MINDY2: variants seen among roughly 807,000 people sequenced by gnomAD.
The protein encoded by MINDY2 is MINDY lysine 48 deubiquitinase 2, also known as ubiquitin carboxyl-terminal hydrolase MINDY-2.
In MINDY2, 52 loss-of-function variants were observed where a neutral mutation model predicts 68.2. The observed-to-expected ratio is 0.76, with a 90% CI of 0.61 to 0.96. The LOEUF is 0.96. Ranked by LOEUF, MINDY2 falls within the 40% of genes least tolerant of loss-of-function variation. The pLI is 0.00. For missense variants in MINDY2, 881 were observed against 773.4 expected, an observed-to-expected ratio of 1.14 and a Z score of -1.65; for synonymous variants, 372 against 303.0, an observed-to-expected ratio of 1.23 and a Z score of -2.36.
At chr15:58,804,805 C>CA (rs562018572) in intron 3 of MINDY2, among the ~76,000 whole-genome samples, 2,188 of 127,690 alleles carry the variant, frequency 0.017, 51 homozygotes, top group African/African-American at 0.057. Context: ...GACCCTGTTA[C>CA]AAAAAAAAAA....
At position 58,821,795 on chromosome 15, in the gene MINDY2, G is replaced by T; in HGVS notation, c.1201G>T (p.Asp401Tyr). 1 of 1,591,046 alleles carries T rather than the reference G, an allele frequency of 6.3e-7. No homozygotes were observed. The highest frequency in any genetic ancestry group is 1.2e-5 in the South Asian group (1 of 85,876). ...VEKIISCKQS[D>Y]NSELVSEGFV... is the part of the protein sequence containing the mutation. Reference sequence around the variant, plus strand: ...GAAGATCATCTCTTGTAAACAGTCAGACAATAGTGAGCTGGTTAGTGAAGG... The same window carrying T: ...GAAGATCATCTCTTGTAAACAGTCATACAATAGTGAGCTGGTTAGTGAAGG... Residue 401 changes from aspartate (D) to tyrosine (Y), a missense_variant, in exon 5 of 9, where the codon GAC becomes TAC. Coordinates refer to ENST00000559228, the MANE Select transcript of MINDY2 (RefSeq NM_001040450.3).
chr15:58,815,493 G>C (rs1158792068), intron 4 of MINDY2: 1 of 152,188 alleles, frequency 6.6e-6, no homozygotes, highest in East Asian at 1.9e-4. Context: ...GGGACTACAG[G>C]TGCACACCAG....
rs192736335 is a variant in MINDY2 at position 58,837,821 on chromosome 15, T to C, written c.1368+5905T>C. ...TCTGTACAAAAAACTTTAAAAAAAT[T>C]AGCCAGGCATGGTGGTGTGTGCCCA... On this transcript the variant is annotated intron_variant, in intron 6 of 8. Coordinates refer to ENST00000559228, the MANE Select transcript of MINDY2 (RefSeq NM_001040450.3). Among the ~76,000 whole-genome samples, 3 of 151,518 alleles carry C rather than the reference T, an allele frequency of 2.0e-5. No homozygotes were observed. In the East Asian group the frequency reaches 5.9e-4, roughly 30 times the overall value.
At chr15:58,785,372 C>A (rs1358494766) in intron 1 of MINDY2, among the ~76,000 whole-genome samples, 1 of 151,844 alleles carries the variant, frequency 6.6e-6, no homozygotes. Flanking sequence ...AAAAAAAAAT[C>A]ATCTAATGCA....
intron 2 of MINDY2, among the ~76,000 whole-genome samples, chr15:58,789,805 A>G (rs1901768354): frequency 6.6e-6 from 1 of 152,064 alleles, no homozygotes; most frequent in African/African-American, 2.4e-5. Context: ...GCACCACCAC[A>G]CGTGGCTAAT....
chr15:58,802,528 T>G (rs1217896736), intron 3 of MINDY2, 151 bp downstream of exon 3: 3 of 431,792 alleles, frequency 6.9e-6, no homozygotes, highest in African/African-American at 6.2e-5. Flanking sequence ...CTATTACATA[T>G]TCTTTGTTTT....
intron 7 of MINDY2, among the ~76,000 whole-genome samples, chr15:58,849,284 C>T (rs555845517): frequency 3.9e-5 from 6 of 151,912 alleles, no homozygotes; most frequent in East Asian, 3.9e-4. Context: ...GGGCCGATCA[C>T]GAGGTCGGGA....
At chr15:58,813,200 C>A (rs1489354736) in intron 4 of MINDY2, among the ~76,000 whole-genome samples, 1 of 152,052 alleles carries the variant, frequency 6.6e-6, no homozygotes. Flanking sequence ...TAAAGAGCAT[C>A]TGGGTGTTTT....
intron 6 of MINDY2, among the ~76,000 whole-genome samples, chr15:58,839,322 T>TTGTTTGTTTG (rs2032164440): frequency 6.7e-6 from 1 of 148,648 alleles, no homozygotes; most frequent in African/African-American, 2.6e-5. Context: ...TAGACTGTTT[T>TTGTTTGTTTG]TTTGTTTGTT....
intron 2 of MINDY2, chr15:58,795,988 G>A (rs1902257753): frequency 4.7e-6 from 2 of 422,682 alleles, no homozygotes; most frequent in South Asian, 3.5e-5. Context: ...TTGAATACTG[G>A]AGAATACTCT....
chr15:58,846,346 C>T (rs62002458), intron 6 of MINDY2, among the ~76,000 whole-genome samples: 1 of 152,088 alleles, frequency 6.6e-6, no homozygotes, highest in African/African-American at 2.4e-5. Context: ...GTAATCCCAG[C>T]ACTTTGGGAG....
chr15:58,801,380 T>TA (rs1188514448), intron 2 of MINDY2, among the ~76,000 whole-genome samples: 2,949 of 22,678 alleles, frequency 0.13, 433 homozygotes, highest in South Asian at 0.26. Flanking sequence ...CCCCATCTCT[T>TA]AAAAAAAAAA....
At chr15:58,781,192 G>C (rs1315973193) in intron 1 of MINDY2, among the ~76,000 whole-genome samples, 1 of 152,056 alleles carries the variant, frequency 6.6e-6, no homozygotes, top group Non-Finnish European at 1.5e-5. Context: ...TGAGATTACA[G>C]ACACCTGCCC....
chr15:58,843,189 G>A (rs1003590404), intron 6 of MINDY2, among the ~76,000 whole-genome samples: 5 of 152,066 alleles, frequency 3.3e-5, no homozygotes, highest in Non-Finnish European at 5.9e-5. Flanking sequence ...TCGCTCTGTC[G>A]CCCAAGCTGG....
chr15:58,825,881 C>G (rs765842661), intron 5 of MINDY2, among the ~76,000 whole-genome samples: 5 of 152,130 alleles, frequency 3.3e-5, no homozygotes, highest in African/African-American at 4.8e-5. Flanking sequence ...GCTGGGATTA[C>G]AGGCGTGAGA....
intron 6 of MINDY2, among the ~76,000 whole-genome samples, chr15:58,839,095 ATATT>A (rs768701180): frequency 4.8e-4 from 73 of 152,006 alleles, no homozygotes; most frequent in Admixed American, 1.2e-3. Flanking sequence ...GTTTTTTTAA[ATATT>A]TATTTATTTA....
chr15:58,850,903 T>C (rs2032778766), intron 7 of MINDY2, among the ~76,000 whole-genome samples: 1 of 151,976 alleles, frequency 6.6e-6, no homozygotes, highest in Non-Finnish European at 1.5e-5. Context: ...TACTTTTTGT[T>C]TGGTTTTGTT....
chr15:58,788,115 G>T, intron 2 of MINDY2, 152 bp downstream of exon 2: 1 of 519,144 alleles, frequency 1.9e-6, no homozygotes, highest in Non-Finnish European at 3.4e-6. Flanking sequence ...TTATCAGTAT[G>T]TTACTGTTCT....
chr15:58,852,358 T>G (rs2032863870), intron 8 of MINDY2, among the ~76,000 whole-genome samples: 1 of 150,044 alleles, frequency 6.7e-6, no homozygotes, highest in Non-Finnish European at 1.5e-5. Context: ...TTAAATTAGG[T>G]GTTAACTCTT....
Sources: gnomAD v4.1 joint callset for allele counts (sites outside exome capture counted in the v4.1 genomes callset) on GRCh38, gnomAD v4.1.1 for gene constraint, MANE v1.5 for transcripts, NCBI Gene and HGNC (gene_info 2026-07-23, HGNC 2026-07-21) for gene names.